EYS: variants seen among roughly 807,000 people sequenced by gnomAD.
The protein encoded by EYS is EGF-like photoreceptor maintenance factor, also known as protein eyes shut homolog.
EYS carries 250 observed loss-of-function variants against 282.1 expected under a neutral mutation model. That is an observed-to-expected ratio of 0.89 (90% CI 0.80 to 0.98). The LOEUF (loss-of-function observed/expected upper bound fraction) is 0.98. EYS is among the 50% of genes least tolerant of loss of function. EYS has a pLI of 0.00. For synonymous variants in EYS, 1,355 were observed against 1,282.9 expected, an observed-to-expected ratio of 1.06 and a Z score of -1.20; for missense variants, 4,016 against 3,709.0, an observed-to-expected ratio of 1.08 and a Z score of -2.15.
intron 31 of EYS, among the ~76,000 whole-genome samples, chr6:64,214,040 T>C (rs567416869): frequency 1.3e-5 from 2 of 152,124 alleles, no homozygotes; most frequent in Non-Finnish European, 2.9e-5. Context: ...TTTTATCACC[T>C]CTACAAAAAG....
At chr6:64,166,008 C>T (rs1348549986) in intron 31 of EYS, among the ~76,000 whole-genome samples, 1 of 152,066 alleles carries the variant, frequency 6.6e-6, no homozygotes, top group Non-Finnish European at 1.5e-5. Flanking sequence ...CCTAAAATAC[C>T]TGCATTAATT....
intron 12 of EYS, among the ~76,000 whole-genome samples, chr6:65,122,778 C>A (rs1461891177): frequency 6.6e-6 from 1 of 151,990 alleles, no homozygotes; most frequent in East Asian, 1.9e-4. Flanking sequence ...CTGAGTAAAT[C>A]ATCTAAAATC....
chr6:64,371,791 T>C (rs1772382662), intron 29 of EYS, among the ~76,000 whole-genome samples: 1 of 152,198 alleles, frequency 6.6e-6, no homozygotes, highest in South Asian at 2.1e-4. Flanking sequence ...TTTTTTTAAA[T>C]CCTTGTTGGT....
At chr6:64,313,993 A>G (rs932243828) in intron 29 of EYS, among the ~76,000 whole-genome samples, 4 of 152,062 alleles carry the variant, frequency 2.6e-5, no homozygotes, top group African/African-American at 9.7e-5. Flanking sequence ...AATCATAATG[A>G]CAGGATCAAA....
intron 2 of EYS, among the ~76,000 whole-genome samples, chr6:65,507,015 T>G (rs1180917227): frequency 6.6e-6 from 1 of 152,262 alleles, no homozygotes; most frequent in Admixed American, 6.5e-5. Context: ...GTTTTATCTT[T>G]ATTTATTCCT....
chr6:64,545,706 A>C (rs1764836863), intron 26 of EYS, among the ~76,000 whole-genome samples: 1 of 152,220 alleles, frequency 6.6e-6, no homozygotes, highest in Non-Finnish European at 1.5e-5. Flanking sequence ...CAAAAATCAC[A>C]AGCATTCTTA....
At chr6:64,666,906 A>G (rs1319684911) in intron 22 of EYS, among the ~76,000 whole-genome samples, 1 of 152,090 alleles carries the variant, frequency 6.6e-6, no homozygotes, top group African/African-American at 2.4e-5. Flanking sequence ...ATATTTCTCA[A>G]TTCTTTCATT....
At chr6:65,414,781 T>TA (rs1391641234) in intron 5 of EYS, among the ~76,000 whole-genome samples, 1 of 152,072 alleles carries the variant, frequency 6.6e-6, no homozygotes, top group Non-Finnish European at 1.5e-5. Flanking sequence ...TGAAGATAAA[T>TA]ATTTGAGATT....
chr6:64,026,616 T>C (rs1360648511), intron 33 of EYS, among the ~76,000 whole-genome samples: 3 of 152,146 alleles, frequency 2.0e-5, no homozygotes, highest in African/African-American at 4.8e-5. Flanking sequence ...TTTCTTTTCA[T>C]TGAGGGAGAA....
Position 63,915,359 on chromosome 6 carries a change from A to G in EYS, c.7056-51001T>C, listed in dbSNP as rs548623311. ...ACTGAATGTTTTAAGCTTACTGTTG[A>G]GACCTACTGCTCAGAAAAAAGATTC... On this transcript the variant is annotated intron_variant, in intron 35 of 42. Coordinates refer to ENST00000503581, the MANE Select transcript of EYS (RefSeq NM_001142800.2). 2.6e-5 allele frequency among the ~76,000 whole-genome samples: 4 copies of G among 152,314 alleles called. No homozygotes were observed. In the South Asian group the frequency reaches 8.3e-4, roughly 32 times the overall value.
At chr6:64,123,194 C>T in intron 31 of EYS, among the ~76,000 whole-genome samples, 1 of 152,100 alleles carries the variant, frequency 6.6e-6, no homozygotes, top group South Asian at 2.1e-4. Flanking sequence ...AAATACATGG[C>T]CACAGTCAAC....
intron 11 of EYS, chr6:65,331,721 T>C: frequency 2.0e-6 from 2 of 981,380 alleles, no homozygotes; most frequent in Non-Finnish European, 2.4e-6. Flanking sequence ...AAAATCATTG[T>C]TTCATTAAAC....
At chr6:64,208,633 A>T (rs1478710641) in intron 31 of EYS, among the ~76,000 whole-genome samples, 1 of 152,198 alleles carries the variant, frequency 6.6e-6, no homozygotes, top group Non-Finnish European at 1.5e-5. Flanking sequence ...AATATTTTAG[A>T]AATCCAAAAT....
intron 1 of EYS, among the ~76,000 whole-genome samples, chr6:65,668,431 T>C (rs1310567855): frequency 6.6e-6 from 1 of 151,880 alleles, no homozygotes; most frequent in Non-Finnish European, 1.5e-5. Context: ...CCAGCTGTTT[T>C]TGTAAACATG....
chr6:64,128,484 A>G (rs976353883), intron 31 of EYS, among the ~76,000 whole-genome samples: 13 of 152,126 alleles, frequency 8.5e-5, no homozygotes, highest in African/African-American at 2.7e-4. Flanking sequence ...TTCTCATAAC[A>G]TACATATTCA....
At chr6:64,656,117 A>G (rs1239892781) in intron 22 of EYS, among the ~76,000 whole-genome samples, 2 of 152,210 alleles carry the variant, frequency 1.3e-5, no homozygotes, top group African/African-American at 4.8e-5. Context: ...TGTAGGTTTC[A>G]TACAGTGATG....
At chr6:65,555,126 T>A (rs1017797230) in intron 2 of EYS, among the ~76,000 whole-genome samples, 4 of 152,152 alleles carry the variant, frequency 2.6e-5, no homozygotes, top group African/African-American at 9.7e-5. Flanking sequence ...AATGTGATAG[T>A]TACAGTCACT....
At chr6:65,005,605 C>A (rs1771620957) in intron 13 of EYS, among the ~76,000 whole-genome samples, 1 of 147,630 alleles carries the variant, frequency 6.8e-6, no homozygotes, top group Admixed American at 6.7e-5. Context: ...ACCTGTCCGC[C>A]AGTTAAAAAC....
At chr6:64,465,741 A>G (rs1714092821) in intron 26 of EYS, among the ~76,000 whole-genome samples, 1 of 152,010 alleles carries the variant, frequency 6.6e-6, no homozygotes. Context: ...GTAAAAAAAA[A>G]AAAGACAAAT....
Sources: allele counts gnomAD v4.1 joint callset (sites outside exome capture counted in the v4.1 genomes callset), GRCh38; gene constraint gnomAD v4.1.1; transcripts MANE v1.5; gene names NCBI Gene and HGNC (gene_info 2026-07-23, HGNC 2026-07-21).